ABCC1: variants seen among roughly 807,000 people sequenced by gnomAD.
ABCC1 encodes multidrug resistance-associated protein 1.
Under a neutral mutation model 172.9 loss-of-function variants are expected in ABCC1, and 83 were observed. The ratio of observed to expected loss-of-function variants is 0.48; its 90% CI spans 0.40 to 0.58. ABCC1 has a LOEUF of 0.58. Ranked by LOEUF, ABCC1 falls within the 20% of genes least tolerant of loss-of-function variation. The probability of loss-of-function intolerance (pLI) is 0.00; values close to 1 mark genes in which losing one functional copy is unlikely to be tolerated. For missense variants in ABCC1, 1,817 were observed against 2,002.7 expected, an observed-to-expected ratio of 0.91 and a Z score of 1.77; for synonymous variants, 937 against 825.2, an observed-to-expected ratio of 1.14 and a Z score of -2.32.
chr16:15,988,524 G>A (rs988678196), intron 1 of ABCC1, among the ~76,000 whole-genome samples: 3 of 152,146 alleles, frequency 2.0e-5, no homozygotes, highest in African/African-American at 2.4e-5. Flanking sequence ...GATTTATTTG[G>A]TGAAACATGA....
In ABCC1 at chr16:16,005,994, G is replaced by GA. The variant is rs202150575; in HGVS notation, c.49-1811dup. ...GGGTGACAAAGCAAGACTCTGTCAA[G>GA]AAAAAAAAAAATAAAAATAAAAAGC... is the stretch of plus-strand genomic sequence containing the variant. On this transcript the variant is annotated intron_variant, in intron 1 of 30. Transcript: ENST00000399410. Among the ~76,000 whole-genome samples, 512 of 97,548 alleles carry GA rather than the reference G, an allele frequency of 5.2e-3. 5 individuals carry two copies. Among genetic ancestry groups the GA allele is most frequent in the African/African-American group, 0.011 (316 of 27,962 alleles). The allele number at this position is 97,548 out of a possible 152,430, so 64.0% of individuals were successfully genotyped here. A position where few individuals can be genotyped will look rare whatever the true frequency, so the allele number is the denominator to read the frequency against.
chr16:15,955,786 G>A (rs1233582604), intron 1 of ABCC1, among the ~76,000 whole-genome samples: 1 of 152,106 alleles, frequency 6.6e-6, no homozygotes, highest in Non-Finnish European at 1.5e-5. Flanking sequence ...TAAGTATTGT[G>A]CCTACTCTGT....
At chr16:15,989,778 C>T (rs1267372194) in intron 1 of ABCC1, among the ~76,000 whole-genome samples, 1 of 152,178 alleles carries the variant, frequency 6.6e-6, no homozygotes, top group Non-Finnish European at 1.5e-5. Context: ...ACAGTACCTT[C>T]CTCATAGACT....
rs1450752295 is a variant in ABCC1 at position 16,142,785 on chromosome 16, C to A, written c.*1504C>A. On this transcript the variant is annotated 3_prime_UTR_variant, in exon 31 of 31. Coordinates refer to ENST00000399410, the MANE Select transcript of ABCC1 (RefSeq NM_004996.4). The stretch of plus-strand genomic sequence containing the variant: ...AACAGGGAAGCAGCATCTTTTAAAG[C>A]CTGTTCTTTAAGGTGTCTCGTTAGA... 1 of 152,454 alleles carries A rather than the reference C, an allele frequency of 6.6e-6. No homozygotes were observed. Among genetic ancestry groups the A allele is most frequent in the African/African-American group, 2.4e-5 (1 of 41,418 alleles). The allele number at this position is 152,454 out of a possible 1,614,324, so 9.4% of individuals were successfully genotyped here.
chr16:16,078,634 A>G (rs966593196), intron 15 of ABCC1, among the ~76,000 whole-genome samples: 3 of 151,788 alleles, frequency 2.0e-5, no homozygotes, highest in Admixed American at 1.3e-4. Context: ...GGCTCTCCAC[A>G]TGTTTCTGTG....
chr16:15,952,031 G>A lies in ABCC1; in HGVS notation c.48+2232G>A, dbSNP rs45602731. ...AGGTAGCGTGTCCGAGGCCAGGAGC[G>A]ACTGGCCTCCCAGGCAGTCAGATAA... On this transcript the variant is annotated intron_variant, in intron 1 of 30. Coordinates refer to ENST00000399410, the MANE Select transcript of ABCC1 (RefSeq NM_004996.4). Among the ~76,000 whole-genome samples, 169 of 152,276 alleles carry A rather than the reference G, an allele frequency of 1.1e-3. 3 individuals carry two copies. The East Asian group carries it at 0.032, about 29-fold the overall frequency.
intron 26 of ABCC1, among the ~76,000 whole-genome samples, chr16:16,128,216 G>A (rs904211381): frequency 1.4e-5 from 2 of 145,532 alleles, no homozygotes; most frequent in African/African-American, 5.1e-5. Context: ...CTTAAGTCTC[G>A]CTCCAGCCTG....
At chr16:16,052,190 C>T (rs567367999) in intron 10 of ABCC1, among the ~76,000 whole-genome samples, 18 of 151,998 alleles carry the variant, frequency 1.2e-4, no homozygotes, top group African/African-American at 3.9e-4. Context: ...ATAGTGAGAC[C>T]TTGTCCTTAC....
At chr16:16,028,628 C>G (rs1307740876) in intron 5 of ABCC1, among the ~76,000 whole-genome samples, 2 of 152,158 alleles carry the variant, frequency 1.3e-5, no homozygotes, top group African/African-American at 2.4e-5. Context: ...TGCAGTGTTT[C>G]TACCCAGCCT....
At position 16,134,298 on chromosome 16, in the gene ABCC1, A is replaced by G. The variant is rs1461766709; in HGVS notation, c.3967-52A>G. The G allele has an allele frequency of 5.6e-6, 9 of 1,606,552 alleles. No individual in the cohort carries two copies. The East Asian group carries it at 1.1e-4, about 20-fold the overall frequency. ...GAGATGAGGGCACTTTGGGGCAGGG[A>G]CAAGTCCGGATGCCAGCATTCCCAC... is the stretch of plus-strand genomic sequence containing the variant. On this transcript the variant is annotated intron_variant, in intron 27 of 30. Coordinates refer to ENST00000399410, the MANE Select transcript of ABCC1 (RefSeq NM_004996.4).
chr16:16,102,640 C>G lies in ABCC1; in HGVS notation c.2658C>G (p.Val886=). ...QDAEENGVTG[V]SGPGKEAKQM... ...CTCTTCTGCCAGGGGTCACGGGCGTCAGCGGTCCAGGGAAGGAAGCAAAGC... is the reference window on the plus strand; with the variant it reads ...CTCTTCTGCCAGGGGTCACGGGCGTGAGCGGTCCAGGGAAGGAAGCAAAGC... Residue 886 remains valine (V), a synonymous_variant, in exon 20 of 31, where the codon GTC becomes GTG. Transcript: ENST00000399410. 1 of 1,584,116 alleles carries G rather than the reference C, an allele frequency of 6.3e-7. No homozygotes were observed. Among genetic ancestry groups the G allele is most frequent in the Non-Finnish European group, 8.6e-7 (1 of 1,164,768 alleles).
intron 12 of ABCC1, among the ~76,000 whole-genome samples, chr16:16,056,839 G>A (rs928280129): frequency 6.6e-6 from 1 of 152,210 alleles, no homozygotes; most frequent in African/African-American, 2.4e-5. Flanking sequence ...GCTTGTGCCA[G>A]AATGTAAACC....
intron 1 of ABCC1, among the ~76,000 whole-genome samples, chr16:15,976,154 C>T (rs540545632): frequency 8.9e-4 from 136 of 152,202 alleles, no homozygotes; most frequent in African/African-American, 3.1e-3. Flanking sequence ...GTGATCCCAG[C>T]TACTCGGGAG....
intron 1 of ABCC1, among the ~76,000 whole-genome samples, chr16:15,964,845 A>G (rs1345413443): frequency 2.0e-5 from 3 of 152,182 alleles, no homozygotes; most frequent in Non-Finnish European, 4.4e-5. Flanking sequence ...TTCAATTACA[A>G]TTAGAAGCTA....
intron 30 of ABCC1, among the ~76,000 whole-genome samples, chr16:16,139,051 C>T (rs543024197): frequency 6.6e-6 from 1 of 152,346 alleles, no homozygotes; most frequent in East Asian, 1.9e-4. Context: ...TCATTCACGT[C>T]AGCGCACCTG....
intron 1 of ABCC1, among the ~76,000 whole-genome samples, chr16:15,953,311 C>T (rs1010591058): frequency 2.0e-5 from 3 of 151,900 alleles, no homozygotes; most frequent in Non-Finnish European, 2.9e-5. Context: ...CCAACCTGGG[C>T]GACAGAGAGA....
At chr16:16,042,029 A>G (rs779731485) in intron 7 of ABCC1, among the ~76,000 whole-genome samples, 1 of 152,150 alleles carries the variant, frequency 6.6e-6, no homozygotes, top group Non-Finnish European at 1.5e-5. Context: ...GTTTGGATTT[A>G]AAAACCCAGT....
intron 3 of ABCC1, among the ~76,000 whole-genome samples, chr16:16,012,719 G>A (rs1469230196): frequency 4.8e-5 from 6 of 124,476 alleles, no homozygotes; most frequent in Admixed American, 7.6e-5. Flanking sequence ...GCAGAGTTTC[G>A]CTCTTTTTTC....
chr16:16,061,170 C>A (rs563987362), intron 12 of ABCC1, among the ~76,000 whole-genome samples: 1 of 152,278 alleles, frequency 6.6e-6, no homozygotes, highest in African/African-American at 2.4e-5. Context: ...AGTGGTCCAC[C>A]CACCTCGGCC....
Sources: allele counts gnomAD v4.1 joint callset (sites outside exome capture counted in the v4.1 genomes callset), GRCh38; gene constraint gnomAD v4.1.1; transcripts MANE v1.5; gene names NCBI Gene and HGNC (gene_info 2026-07-23, HGNC 2026-07-21).